PPP1R16B: variants seen among roughly 807,000 people sequenced by gnomAD.
The protein encoded by PPP1R16B is protein phosphatase 1 regulatory subunit 16B, also known as protein phosphatase 1 regulatory inhibitor subunit 16B.
In PPP1R16B, 14 loss-of-function variants were observed where a neutral mutation model predicts 61.7. The observed-to-expected ratio is 0.23, with a 90% CI of 0.15 to 0.35. The LOEUF is 0.35. Ranked by LOEUF, PPP1R16B falls within the 10% of genes least tolerant of loss-of-function variation. The pLI is 1.00. For missense variants in PPP1R16B, 547 were observed against 752.5 expected, an observed-to-expected ratio of 0.73 and a Z score of 3.19; for synonymous variants, 266 against 305.3, an observed-to-expected ratio of 0.87 and a Z score of 1.34.
At chr20:38,905,057 T>TGAAG (rs1255393832) in intron 6 of PPP1R16B, among the ~76,000 whole-genome samples, 1 of 152,264 alleles carries the variant, frequency 6.6e-6, no homozygotes, top group Admixed American at 6.5e-5. Flanking sequence ...TGGCCATGAC[T>TGAAG]GAAGGCCTTG....
rs757899810 is a variant in PPP1R16B at position 38,908,067 on chromosome 20, C to T, written c.1068C>T (p.Asn356=). The T allele has an allele frequency of 2.5e-6, 4 of 1,614,080 alleles. No individual in the cohort carries two copies. Among genetic ancestry groups the T allele is most frequent in the South Asian group, 2.2e-5 (2 of 91,090 alleles). The change falls in exon 10 of 11, where the codon AAC becomes AAT. Residue 356 remains asparagine (N), a synonymous_variant. Transcript: ENST00000299824. ...GAGCCAGCCTGTCGGACAGGACCAA[C>T]CTGTATAGGAAGGAGTATGAGGGAG... ...VRRASLSDRT[N]LYRKEYEGEA... is the part of the protein sequence containing the mutation.
At chr20:38,913,069 C>T (rs1000824370) in intron 10 of PPP1R16B, among the ~76,000 whole-genome samples, 3 of 151,566 alleles carry the variant, frequency 2.0e-5, no homozygotes, top group African/African-American at 7.3e-5. Flanking sequence ...TGGGGTTTCC[C>T]CATGTTGGCC....
intron 2 of PPP1R16B, among the ~76,000 whole-genome samples, chr20:38,841,353 GAAAAAAAAAAAA>G (rs34203271): frequency 2.8e-4 from 12 of 42,600 alleles, no homozygotes; most frequent in South Asian, 1.5e-3. Context: ...TGTCTGTACT[GAAAAAAAAAAAA>G]AAAAAAAAAA....
intron 2 of PPP1R16B, among the ~76,000 whole-genome samples, chr20:38,876,825 A>C (rs1434034199): frequency 6.6e-6 from 1 of 152,190 alleles, no homozygotes; most frequent in Non-Finnish European, 1.5e-5. Flanking sequence ...AGTGAAATTG[A>C]GAAGTTCTGA....
At chr20:38,838,283 C>T (rs1367591401) in intron 2 of PPP1R16B, 1 of 152,488 alleles carries the variant, frequency 6.6e-6, no homozygotes, top group East Asian at 1.9e-4. Flanking sequence ...AGAGGCCTAG[C>T]CATGCTTCCT....
At chr20:38,825,054 A>G (rs1234934792) in intron 1 of PPP1R16B, among the ~76,000 whole-genome samples, 1 of 152,212 alleles carries the variant, frequency 6.6e-6, no homozygotes, top group East Asian at 1.9e-4. Context: ...GCTAAAGGGG[A>G]GGAGATAGCT....
At chr20:38,909,445 T>A (rs887816011) in intron 10 of PPP1R16B, among the ~76,000 whole-genome samples, 2 of 152,150 alleles carry the variant, frequency 1.3e-5, no homozygotes, top group Admixed American at 6.5e-5. Context: ...GACATGAATT[T>A]TTGAGGGACA....
At chr20:38,909,302 T>C (rs1272865302) in intron 10 of PPP1R16B, among the ~76,000 whole-genome samples, 2 of 152,210 alleles carry the variant, frequency 1.3e-5, no homozygotes, top group Non-Finnish European at 2.9e-5. Flanking sequence ...ACCTAGCCTG[T>C]TTTTTCCTCT....
chr20:38,914,722 G>A (rs1162002712), intron 10 of PPP1R16B, among the ~76,000 whole-genome samples: 1 of 152,160 alleles, frequency 6.6e-6, no homozygotes, highest in African/African-American at 2.4e-5. Context: ...AGGTTAGACT[G>A]CAATGGTACA....
chr20:38,852,751 T>TTA, intron 2 of PPP1R16B, among the ~76,000 whole-genome samples: 1 of 118,974 alleles, frequency 8.4e-6, no homozygotes, highest in East Asian at 2.5e-4. Context: ...TGTTTCCTTT[T>TTA]TTTTTTTTTT....
chr20:38,891,396 ATAT>A (rs1052368926), intron 3 of PPP1R16B, among the ~76,000 whole-genome samples: 5 of 152,348 alleles, frequency 3.3e-5, no homozygotes, highest in African/African-American at 4.8e-5. Flanking sequence ...TACTGGATAA[ATAT>A]TATTATTATT....
intron 2 of PPP1R16B, among the ~76,000 whole-genome samples, chr20:38,870,152 G>C (rs956220607): frequency 2.0e-5 from 3 of 151,978 alleles, no homozygotes; most frequent in Non-Finnish European, 4.4e-5. Context: ...TTGAATTCCT[G>C]ACCTCAAGTG....
intron 1 of PPP1R16B, among the ~76,000 whole-genome samples, chr20:38,830,071 C>A (rs1400780510): frequency 6.6e-6 from 1 of 152,228 alleles, no homozygotes; most frequent in Non-Finnish European, 1.5e-5. Context: ...TGCAGTGGTG[C>A]CTTCTGTCTG....
chr20:38,837,079 T>C (rs1436398753), intron 2 of PPP1R16B, among the ~76,000 whole-genome samples: 2 of 152,248 alleles, frequency 1.3e-5, no homozygotes, highest in Non-Finnish European at 2.9e-5. Flanking sequence ...CTGAATGCTG[T>C]TCCGTGTATT....
At chr20:38,894,247 T>A (rs2085316463) in intron 3 of PPP1R16B, among the ~76,000 whole-genome samples, 2 of 151,816 alleles carry the variant, frequency 1.3e-5, no homozygotes, top group Non-Finnish European at 2.9e-5. Context: ...GGGATAGGGG[T>A]GGGGCTGTGG....
At chr20:38,904,553 C>T (rs182159461) in intron 6 of PPP1R16B, among the ~76,000 whole-genome samples, 191 of 152,286 alleles carry the variant, frequency 1.3e-3, no homozygotes, top group Admixed American at 3.7e-3. Flanking sequence ...TTTGTAATGT[C>T]GGACTGGCCA....
chr20:38,892,988 G>T lies in PPP1R16B; in HGVS notation c.322-2577G>T, dbSNP rs955968494. On this transcript the variant is annotated intron_variant, in intron 3 of 10. Coordinates refer to ENST00000299824, the MANE Select transcript of PPP1R16B (RefSeq NM_015568.4). ...GAGAGGGTTGAGAACAGGGCCTTTG[G>T]AGTCAGACTGCTTGGATTTCAATTC... Among the ~76,000 whole-genome samples, 11 of 152,126 alleles carry T rather than the reference G, an allele frequency of 7.2e-5. No homozygotes were observed. In the East Asian group the frequency reaches 2.1e-3, roughly 29 times the overall value.
chr20:38,828,515 G>T (rs1479659639), intron 1 of PPP1R16B, among the ~76,000 whole-genome samples: 2 of 152,188 alleles, frequency 1.3e-5, no homozygotes. Context: ...TGTTGGCTTG[G>T]ATAACTGAAG....
intron 2 of PPP1R16B, among the ~76,000 whole-genome samples, chr20:38,867,366 T>C (rs944907212): frequency 5.9e-5 from 9 of 152,274 alleles, no homozygotes; most frequent in African/African-American, 2.2e-4. Context: ...GTGGTCCAAC[T>C]CAGGAGTCAC....
Sources: gnomAD v4.1 joint callset for allele counts (sites outside exome capture counted in the v4.1 genomes callset) on GRCh38, gnomAD v4.1.1 for gene constraint, MANE v1.5 for transcripts, NCBI Gene and HGNC (gene_info 2026-07-23, HGNC 2026-07-21) for gene names.